The following CDH13 variants were observed in gnomAD, a reference collection of about 807,000 sequenced individuals.
CDH13 encodes the protein cadherin 13, also known as cadherin-13.
Under a neutral mutation model 63.8 loss-of-function variants are expected in CDH13, and 24 were observed. That is an observed-to-expected ratio of 0.38 (90% CI 0.27 to 0.53). The LOEUF is 0.53. CDH13 is among the 20% of genes least tolerant of loss of function. The pLI, the probability that CDH13 is intolerant of heterozygous loss-of-function variation, is 0.85. For missense variants in CDH13, 1,049 were observed against 903.1 expected (o/e 1.16, Z -2.07); for synonymous variants, 503 against 355.3 (o/e 1.42, Z -4.67).
intron 7 of CDH13, among the ~76,000 whole-genome samples, chr16:83,575,282 C>T (rs566921729): frequency 6.6e-6 from 1 of 152,334 alleles, no homozygotes; most frequent in Middle Eastern, 3.4e-3. Flanking sequence ...GAATTGTACA[C>T]TTTAAATAGG....
At chr16:83,196,576 CTA>C (rs1420609889) in intron 4 of CDH13, among the ~76,000 whole-genome samples, 1 of 152,058 alleles carries the variant, frequency 6.6e-6, no homozygotes, top group Non-Finnish European at 1.5e-5. Context: ...AAAGAACTCT[CTA>C]AACTCAACAG....
chr16:82,710,837 A>T (rs2151005948), intron 1 of CDH13, among the ~76,000 whole-genome samples: 1 of 150,990 alleles, frequency 6.6e-6, no homozygotes, highest in East Asian at 1.9e-4. Flanking sequence ...AAATACTTTT[A>T]TACATAAATG....
rs544800087 is a variant in CDH13, at chr16:82,995,283, T to G, written c.158-36727T>G. On this transcript the variant is annotated intron_variant, in intron 2 of 13. Coordinates refer to ENST00000567109, the MANE Select transcript of CDH13 (RefSeq NM_001257.5). The stretch of plus-strand genomic sequence containing the variant: ...ACAGCAGATTTTGCTGGGCTCGTGG[T>G]CACTCAGCTAAAGACTACTTTCTCC... 2.4e-3 allele frequency among the ~76,000 whole-genome samples: 369 copies of G among 152,294 alleles called. 2 individuals are homozygous for G. Among genetic ancestry groups the G allele is most frequent in the African/African-American group, 8.2e-3 (341 of 41,566 alleles).
intron 6 of CDH13, among the ~76,000 whole-genome samples, chr16:83,400,814 C>G (rs917653028): frequency 2.0e-5 from 3 of 152,126 alleles, no homozygotes; most frequent in Admixed American, 6.5e-5. Flanking sequence ...ATGGCACGTA[C>G]CTGGCCTTGA....
chr16:83,447,062 AAAAAAAAAAAAAC>A (rs2072714926), intron 6 of CDH13, among the ~76,000 whole-genome samples: 1 of 142,244 alleles, frequency 7.0e-6, no homozygotes, highest in Non-Finnish European at 1.5e-5. Flanking sequence ...TTAAAAAAAA[AAAAAAAAAAAAAC>A]AAAAAACACC....
intron 5 of CDH13, among the ~76,000 whole-genome samples, chr16:83,244,700 G>A (rs1173572448): frequency 1.3e-5 from 2 of 152,156 alleles, no homozygotes; most frequent in Non-Finnish European, 2.9e-5. Context: ...AGCAAAATCA[G>A]CATTAAAGGC....
At chr16:83,394,791 G>T (rs534634861) in intron 6 of CDH13, among the ~76,000 whole-genome samples, 4 of 152,138 alleles carry the variant, frequency 2.6e-5, no homozygotes, top group Admixed American at 1.3e-4. Flanking sequence ...GTTAGTATCC[G>T]CAGGGGTTTG....
chr16:83,494,163 G>A (rs1209735612), intron 7 of CDH13, among the ~76,000 whole-genome samples: 2 of 151,998 alleles, frequency 1.3e-5, no homozygotes, highest in African/African-American at 4.8e-5. Context: ...TATTTTATAT[G>A]GTAAAGATAA....
chr16:83,385,149 A>G (rs779930943), intron 6 of CDH13, among the ~76,000 whole-genome samples: 5 of 152,244 alleles, frequency 3.3e-5, no homozygotes, highest in Non-Finnish European at 5.9e-5. Context: ...ATTTCATCCT[A>G]TAAAAGTAAG....
chr16:83,652,834 C>T (rs1422041577), intron 8 of CDH13, among the ~76,000 whole-genome samples: 1 of 152,154 alleles, frequency 6.6e-6, no homozygotes, highest in Non-Finnish European at 1.5e-5. Context: ...TAAGTCCTCC[C>T]AAAACTTGCA....
chr16:82,789,575 G>A (rs191311913), intron 1 of CDH13, among the ~76,000 whole-genome samples: 9 of 152,314 alleles, frequency 5.9e-5, no homozygotes. Flanking sequence ...GCCATTCTGG[G>A]CTGCACAAGG....
At position 83,434,321 on chromosome 16, in the gene CDH13, T is replaced by G. The variant is rs1008191915; in HGVS notation, c.782-52156T>G. ...TGTCCTACCTGCTCCATCCACTGGC[T>G]AGATAGCCTTGGCTCTGAACCTACT... On this transcript the variant is annotated intron_variant, in intron 6 of 13. Coordinates refer to ENST00000567109, the MANE Select transcript of CDH13 (RefSeq NM_001257.5). 7.2e-5 allele frequency among the ~76,000 whole-genome samples: 11 copies of G among 152,318 alleles called. No individual in the cohort carries two copies. In the South Asian group the frequency reaches 1.2e-3, roughly 17 times the overall value.
chr16:82,745,838 G>A (rs553479153), intron 1 of CDH13, among the ~76,000 whole-genome samples: 2 of 152,152 alleles, frequency 1.3e-5, no homozygotes, highest in Admixed American at 6.5e-5. Context: ...GTTTGACACT[G>A]CAAACACCAA....
At chr16:83,027,760 A>G (rs60547840) in intron 2 of CDH13, among the ~76,000 whole-genome samples, 1,982 of 152,068 alleles carry the variant, frequency 0.013, 42 homozygotes, top group African/African-American at 0.046. Context: ...ACTTCCTTCA[A>G]TTCTCCCTTG....
At chr16:83,009,238 G>C (rs1051091528) in intron 2 of CDH13, among the ~76,000 whole-genome samples, 18 of 152,186 alleles carry the variant, frequency 1.2e-4, no homozygotes, top group African/African-American at 4.3e-4. Flanking sequence ...CCAGTATTTT[G>C]TCATCTTCTG....
chr16:82,634,928 T>C (rs561689059), intron 1 of CDH13, among the ~76,000 whole-genome samples: 24 of 152,198 alleles, frequency 1.6e-4, no homozygotes, highest in Non-Finnish European at 3.2e-4. Flanking sequence ...CACTTGTGTG[T>C]GCAGGATACA....
chr16:83,331,947 C>T (rs559225082), intron 5 of CDH13, among the ~76,000 whole-genome samples: 8 of 152,218 alleles, frequency 5.3e-5, no homozygotes, highest in East Asian at 1.9e-4. Flanking sequence ...CAACCACACA[C>T]GCACATATCA....
intron 5 of CDH13, among the ~76,000 whole-genome samples, chr16:83,281,982 A>G (rs11149554): frequency 0.76 from 114,905 of 152,034 alleles, 44,065 homozygotes; most frequent in Middle Eastern, 0.85. Flanking sequence ...AGTGAGGGCC[A>G]TGTGTCTCTT....
At chr16:83,516,262 C>A (rs563428339) in intron 7 of CDH13, among the ~76,000 whole-genome samples, 2 of 152,250 alleles carry the variant, frequency 1.3e-5, no homozygotes, top group South Asian at 4.1e-4. Flanking sequence ...GCACTGGAAC[C>A]GTTTGGGGAG....
Sources: allele counts gnomAD v4.1 joint callset (sites outside exome capture counted in the v4.1 genomes callset), GRCh38; gene constraint gnomAD v4.1.1; transcripts MANE v1.5; gene names NCBI Gene and HGNC (gene_info 2026-07-23, HGNC 2026-07-21).